The following DNAJC1 variants were observed in gnomAD, a reference collection of about 807,000 sequenced individuals.
DNAJC1 encodes DnaJ heat shock protein family (Hsp40) member C1, also known as dnaJ homolog subfamily C member 1.
In DNAJC1, 58 loss-of-function variants were observed where a neutral mutation model predicts 76.6. The observed-to-expected ratio is 0.76, with a 90% CI of 0.61 to 0.94. The LOEUF (loss-of-function observed/expected upper bound fraction) is 0.94, where lower values mean the gene tolerates loss of function less well. Among genes scored for constraint, DNAJC1 ranks in the 40% least tolerant of loss-of-function variants. The pLI is 0.00. For missense variants in DNAJC1, 689 were observed against 677.3 expected, an observed-to-expected ratio of 1.02 and a Z score of -0.19; for synonymous variants, 258 against 267.9, an observed-to-expected ratio of 0.96 and a Z score of 0.36.
chr10:21,787,888 C>T (rs976285343), intron 9 of DNAJC1, among the ~76,000 whole-genome samples: 22 of 152,364 alleles, frequency 1.4e-4, no homozygotes, highest in Admixed American at 9.1e-4. Context: ...GTGTTCCTCC[C>T]GCTGTGGCCT....
chr10:21,766,564 T>C (rs1404188224), intron 9 of DNAJC1, among the ~76,000 whole-genome samples: 2 of 152,180 alleles, frequency 1.3e-5, no homozygotes, highest in African/African-American at 4.8e-5. Context: ...CCTAGACTCC[T>C]TCTAGTTCAA....
intron 1 of DNAJC1, among the ~76,000 whole-genome samples, chr10:21,942,422 A>T (rs1238011753): frequency 1.3e-5 from 2 of 152,204 alleles, no homozygotes; most frequent in African/African-American, 4.8e-5. Context: ...TAGTAAGTAA[A>T]CAAAAAATAA....
chr10:21,973,940 TA>T (rs1838022784), intron 1 of DNAJC1, among the ~76,000 whole-genome samples: 1 of 151,258 alleles, frequency 6.6e-6, no homozygotes, highest in Non-Finnish European at 1.5e-5. Flanking sequence ...CCATCTCTAC[TA>T]AAAATACAAA....
intron 8 of DNAJC1, among the ~76,000 whole-genome samples, chr10:21,849,251 C>T (rs1328191528): frequency 1.5e-5 from 2 of 132,318 alleles, no homozygotes; most frequent in Non-Finnish European, 3.0e-5. Context: ...CGAGATCGTG[C>T]CACTGCACTC....
intron 1 of DNAJC1, among the ~76,000 whole-genome samples, chr10:21,999,700 G>A (rs1022062752): frequency 2.0e-5 from 3 of 151,784 alleles, no homozygotes; most frequent in South Asian, 2.1e-4. Flanking sequence ...TGATCCACCC[G>A]CCTCAGCCTC....
chr10:21,943,308 T>C (rs1264781034), intron 1 of DNAJC1, among the ~76,000 whole-genome samples: 1 of 152,186 alleles, frequency 6.6e-6, no homozygotes, highest in Non-Finnish European at 1.5e-5. Flanking sequence ...AAAAAGCTAG[T>C]TCTTTTGAAA....
chr10:21,852,392 C>T (rs566724856), intron 8 of DNAJC1, among the ~76,000 whole-genome samples: 3 of 152,164 alleles, frequency 2.0e-5, no homozygotes, highest in East Asian at 3.9e-4. Context: ...TGGAGCTAGA[C>T]AGAGGTGGTG....
In DNAJC1 at chr10:21,899,012, G is replaced by T. The variant is rs866205736; in HGVS notation, c.820+5510C>A. 5.3e-5 allele frequency among the ~76,000 whole-genome samples: 8 copies of T among 152,100 alleles called. No homozygotes were observed. The South Asian group carries it at 6.2e-4, about 12-fold the overall frequency. ...GGAAAATGAAGAAAAGCGGGGTGGG[G>T]TGATGGCCCCCCAGAGAGTGGCATG... On this transcript the variant is annotated intron_variant, in intron 7 of 11. Coordinates refer to ENST00000376980, the MANE Select transcript of DNAJC1 (RefSeq NM_022365.4).
At chr10:21,955,024 T>C (rs897786675) in intron 1 of DNAJC1, among the ~76,000 whole-genome samples, 1 of 152,100 alleles carries the variant, frequency 6.6e-6, no homozygotes, top group African/African-American at 2.4e-5. Flanking sequence ...GTTCTGTGCA[T>C]TATAGGATGT....
intron 7 of DNAJC1, among the ~76,000 whole-genome samples, chr10:21,891,706 A>G (rs1490554898): frequency 6.6e-6 from 1 of 152,186 alleles, no homozygotes; most frequent in East Asian, 1.9e-4. Context: ...TGAAGTCAAT[A>G]TCCTGTGACA....
chr10:21,783,876 C>A (rs1030054694), intron 9 of DNAJC1, among the ~76,000 whole-genome samples: 2 of 152,178 alleles, frequency 1.3e-5, no homozygotes, highest in African/African-American at 4.8e-5. Context: ...TGGATCCCTT[C>A]CTTACACCTT....
At chr10:21,920,776 T>C (rs1328885572) in intron 4 of DNAJC1, 22 bp downstream of exon 4, 12 of 1,573,902 alleles carry the variant, frequency 7.6e-6, no homozygotes, top group South Asian at 1.2e-5. Context: ...GCTAGTTCAT[T>C]TGATTTATTA....
intron 1 of DNAJC1, among the ~76,000 whole-genome samples, chr10:21,975,815 T>C (rs1838052359): frequency 6.6e-6 from 1 of 152,230 alleles, no homozygotes; most frequent in Non-Finnish European, 1.5e-5. Flanking sequence ...TAAGAAACAC[T>C]TTCAAAGGAA....
At position 22,003,368 on chromosome 10, in the gene DNAJC1, GGAA is replaced by G. The variant is rs750009881; in HGVS notation, c.64_66del (p.Phe22del). 1 of 1,408,588 alleles carries G rather than the reference GGAA, an allele frequency of 7.1e-7. No individual in the cohort carries two copies. Among genetic ancestry groups the G allele is most frequent in the South Asian group, 1.6e-5 (1 of 61,130 alleles). 87.3% of individuals were successfully genotyped at this position (1,408,588 alleles called of 1,614,324 possible). ...AGCGGCGTCCGCGGCGGCGGCGGCG[GGAA>G]CGGCACCAGCCCGAGCTGGCGGCGT... is the stretch of plus-strand genomic sequence containing the variant. On this transcript the variant is annotated inframe_deletion, in exon 1 of 12. Transcript: ENST00000376980.
chr10:21,825,088 A>G (rs894447728), intron 8 of DNAJC1, among the ~76,000 whole-genome samples: 12 of 152,118 alleles, frequency 7.9e-5, no homozygotes, highest in African/African-American at 2.9e-4. Context: ...ACTATTTTAA[A>G]GTATACAATT....
intron 8 of DNAJC1, among the ~76,000 whole-genome samples, chr10:21,823,314 T>C (rs1355609645): frequency 6.6e-6 from 1 of 152,134 alleles, no homozygotes; most frequent in Non-Finnish European, 1.5e-5. Flanking sequence ...GTTCCTAGGA[T>C]GGGATAAGGA....
At chr10:21,765,105 C>T (rs1223956815) in intron 10 of DNAJC1, among the ~76,000 whole-genome samples, 1 of 152,230 alleles carries the variant, frequency 6.6e-6, no homozygotes, top group Non-Finnish European at 1.5e-5. Context: ...TGTCATATAA[C>T]ATCCCATTGC....
In DNAJC1 at chr10:21,926,009, G is replaced by A. The variant is rs181220408; in HGVS notation, c.371+2497C>T. Among the ~76,000 whole-genome samples, 426 of 152,264 alleles carry A rather than the reference G, an allele frequency of 2.8e-3. 2 individuals carry two copies. In the Middle Eastern group the frequency reaches 0.044, roughly 16 times the overall value. On this transcript the variant is annotated intron_variant, in intron 3 of 11. Transcript: ENST00000376980. ...TTTTGAGACAGGGTCTTGCTGTGTC[G>A]CCCAGGCTAAGCACAGTGCGCAACT...
intron 7 of DNAJC1, among the ~76,000 whole-genome samples, chr10:21,891,456 A>G (rs1294041769): frequency 6.7e-6 from 1 of 149,930 alleles, no homozygotes; most frequent in Non-Finnish European, 1.5e-5. Flanking sequence ...TAAAGTGCCC[A>G]ATCTGAAAAA....
Sources: gnomAD v4.1 joint callset for allele counts (sites outside exome capture counted in the v4.1 genomes callset) on GRCh38, gnomAD v4.1.1 for gene constraint, MANE v1.5 for transcripts, NCBI Gene and HGNC (gene_info 2026-07-23, HGNC 2026-07-21) for gene names.